Variants in MYBBP1A observed in about 807,000 individuals in gnomAD.
MYBBP1A encodes the protein MYB binding protein 1a.
MYBBP1A carries 147 observed loss-of-function variants against 136.3 expected under a neutral mutation model. That is an observed-to-expected ratio of 1.08 (90% CI 0.94 to 1.24). MYBBP1A has a LOEUF of 1.24. MYBBP1A is among the 50% of genes most tolerant of loss of function. MYBBP1A has a pLI of 0.00. For synonymous variants in MYBBP1A, 947 were observed against 735.8 expected, an observed-to-expected ratio of 1.29 and a Z score of -4.65; for missense variants, 2,060 against 1,727.4, an observed-to-expected ratio of 1.19 and a Z score of -3.41.
At position 4,552,609 on chromosome 17, in the gene MYBBP1A, C is replaced by T. The variant is rs755869702; in HGVS notation, c.579G>A (p.Leu193=). ...DILSEVSKAT[L]QEILPEVLKA... ...TGAGGACCTCCGGCAGGATCTCCTG[C>T]AATGTGGCCTTCGAGACCTAAGGAT... Residue 193 remains leucine, a synonymous_variant, in exon 6 of 26, where the codon TTG becomes TTA. Transcript: ENST00000254718. The surrounding 1 kb of genome is among the most constrained non-coding windows in gnomAD (Gnocchi z 4.7). The T allele has an allele frequency of 6.2e-7, 1 of 1,613,486 alleles. No individual in the cohort carries two copies. The highest frequency in any genetic ancestry group is 8.5e-7 in the Non-Finnish European group (1 of 1,179,776).
Position 4,554,077 on chromosome 17 carries a change from G to T in MYBBP1A, c.395C>A (p.Ala132Asp). The change falls in exon 4 of 26, where the codon GCT becomes GAT. Residue 132 changes from alanine (A) to aspartate (D), a missense_variant. Transcript: ENST00000254718. ...HQVKKAMLRP[A>D]LFANLFGVLA... ...CACTCCAAACAGGTTTGCAAAGAGA[G>T]CAGGTCTCAGCATTGCCTAGAAAAG... 1 of 1,614,038 alleles carries T rather than the reference G, an allele frequency of 6.2e-7. No individual in the cohort carries two copies. The highest frequency in any genetic ancestry group is 8.5e-7 in the Non-Finnish European group (1 of 1,180,022).
intron 17 of MYBBP1A, 27 bp downstream of exon 17, chr17:4,544,999 G>T: frequency 2.0e-6 from 1 of 498,356 alleles, no homozygotes; most frequent in Non-Finnish European, 2.6e-6. Context: ...CTCCCCGGCC[G>T]CCCCCCCCTC....
intron 13 of MYBBP1A, among the ~76,000 whole-genome samples, chr17:4,546,258 G>A (rs955115677): frequency 6.6e-6 from 1 of 152,162 alleles, no homozygotes; most frequent in African/African-American, 2.4e-5. Flanking sequence ...AGCTGGGATT[G>A]CAGGCGTGTA....
intron 19 of MYBBP1A, among the ~76,000 whole-genome samples, chr17:4,543,634 CG>C (rs1296030458): frequency 6.6e-6 from 1 of 152,138 alleles, no homozygotes; most frequent in African/African-American, 2.4e-5. Flanking sequence ...GTGGCCCGGG[CG>C]GGCCTGGGTT....
At chr17:4,544,098 G>A (rs369499850) in intron 19 of MYBBP1A, among the ~76,000 whole-genome samples, 27 of 152,114 alleles carry the variant, frequency 1.8e-4, no homozygotes, top group Non-Finnish European at 3.1e-4. Flanking sequence ...CTACACCTCC[G>A]AGGACTGGGT....
chr17:4,544,635 C>T lies in MYBBP1A; in HGVS notation c.2493G>A (p.Leu831=), dbSNP rs1387405781. 26 of 1,583,398 alleles carry T rather than the reference C, an allele frequency of 1.6e-5. No individual in the cohort carries two copies. The highest frequency in any genetic ancestry group is 2.2e-5 in the Non-Finnish European group (26 of 1,166,156). The part of the protein sequence containing the change: ...RRDFQIRVLD[L]VEVLVTKQPE... ...GCTGCTTGGTCACTAGCACCTCCAC[C>T]AGGTCCAGCACCTGCAGCCAGGAGG... The change falls in exon 19 of 26, where the codon CTG becomes CTA. Residue 831 remains leucine (L), a synonymous_variant. Transcript: ENST00000254718.
At chr17:4,542,848 A>G in intron 20 of MYBBP1A, 65 bp downstream of exon 20, 2 of 1,604,334 alleles carry the variant, frequency 1.2e-6, no homozygotes, top group Non-Finnish European at 8.5e-7. Context: ...GCCCTGGGGA[A>G]GTCCCGGCCT....
rs921208811 is a variant in MYBBP1A, at chr17:4,553,736, GA to G, written c.561+73del. Reference sequence around the variant, plus strand: ...ATTTCTATGGAACAGTGCTGTTCCAGATTCTCATCCGAGCCCCCTTGATGTC... The same window carrying G: ...ATTTCTATGGAACAGTGCTGTTCCAGTTCTCATCCGAGCCCCCTTGATGTC... On this transcript the variant is annotated intron_variant, in intron 5 of 25. Transcript: ENST00000254718. 5.3e-6 allele frequency: 6 copies of G among 1,132,074 alleles called. No individual in the cohort carries two copies. In the African/African-American group the frequency reaches 9.2e-5, roughly 17 times the overall value. 70.1% of individuals were successfully genotyped at this position (1,132,074 alleles called of 1,614,324 possible). A position where few individuals can be genotyped will look rare whatever the true frequency, so the allele number is the denominator to read the frequency against.
At chr17:4,541,980 G>A (rs964060380) in intron 22 of MYBBP1A, 89 bp from the exon 23 acceptor site, 3 of 967,680 alleles carry the variant, frequency 3.1e-6, no homozygotes, top group African/African-American at 3.2e-5. Flanking sequence ...GGCCCGCTGG[G>A]CACTGCTGTG....
Position 4,550,069 on chromosome 17 carries a change from T to A in MYBBP1A, c.1308A>T (p.Ser436=). 3 of 1,611,610 alleles carry A rather than the reference T, an allele frequency of 1.9e-6. No individual in the cohort carries two copies. The highest frequency in any genetic ancestry group is 2.5e-6 in the Non-Finnish European group (3 of 1,178,226). ...STNNQKKAQD[S]SLHMPERAVF... ...CAAGGTCCACTCACATGTGGAGCGATGAATCCTGGGCTTTCTTCTGGTTGT... is the reference window on the plus strand; with the variant it reads ...CAAGGTCCACTCACATGTGGAGCGAAGAATCCTGGGCTTTCTTCTGGTTGT... Residue 436 remains serine (S), a synonymous_variant, in exon 9 of 26, where the codon TCA becomes TCT. Coordinates refer to ENST00000254718, the MANE Select transcript of MYBBP1A (RefSeq NM_014520.4).
Position 4,541,445 on chromosome 17 carries a change from A to T in MYBBP1A, c.3297+18T>A. The T allele has an allele frequency of 6.2e-7, 1 of 1,607,948 alleles. No homozygotes were observed. Among genetic ancestry groups the T allele is most frequent in the Non-Finnish European group, 8.5e-7 (1 of 1,177,238 alleles). The stretch of plus-strand genomic sequence containing the variant: ...AAGAGGAACCCGAACACGACCGCGG[A>T]CTGGGCCCCCGCCTCACCTCATGTT... On this transcript the variant is annotated intron_variant, in intron 24 of 25. Coordinates refer to ENST00000254718, the MANE Select transcript of MYBBP1A (RefSeq NM_014520.4).
Position 4,549,962 on chromosome 17 carries a change from G to A in MYBBP1A, c.1319+96C>T, listed in dbSNP as rs889993111. 2.8e-5 allele frequency: 39 copies of A among 1,372,316 alleles called. No individual in the cohort carries two copies. The East Asian group carries it at 8.5e-4, about 30-fold the overall frequency. 85.0% of individuals were successfully genotyped at this position (1,372,316 alleles called of 1,614,324 possible). On this transcript the variant is annotated intron_variant, in intron 9 of 25. Coordinates refer to ENST00000254718, the MANE Select transcript of MYBBP1A (RefSeq NM_014520.4). ...CCCCTCGCTCCTCTCATGGTTTAGA[G>A]CCAGGACGCTGTGGAGGGCGGGCTT...
intron 15 of MYBBP1A, 118 bp downstream of exon 15, chr17:4,545,492 C>T: frequency 1.3e-6 from 2 of 1,488,372 alleles, no homozygotes; most frequent in South Asian, 2.6e-5. Context: ...TCGTTGAGAC[C>T]CCTCCCACCG....
intron 25 of MYBBP1A, 146 bp from the exon 26 acceptor site, chr17:4,540,113 TGAGGGTCCTGCGAGGCCCCTGGGTCCTGC>T (rs1462979405): frequency 1.7e-6 from 2 of 1,186,206 alleles, no homozygotes; most frequent in Admixed American, 2.5e-5. Flanking sequence ...GAGGGTCCTA[TGAGGGTCCTGCGAGGCCCCTGGGTCCTGC>T]GAGGGTCCTG....
Position 4,539,482 on chromosome 17 carries a change from C to T in MYBBP1A, c.3920G>A (p.Arg1307Lys). 1.2e-6 allele frequency: 2 copies of T among 1,614,184 alleles called. No individual in the cohort carries two copies. The highest frequency in any genetic ancestry group is 1.3e-5 in the African/African-American group (1 of 75,042). Residue 1307 changes from arginine (R) to lysine (K), a missense_variant, in exon 26 of 26, where the codon AGG becomes AAG. By Grantham distance (26) the Arg-to-Lys change is conservative. Coordinates refer to ENST00000254718, the MANE Select transcript of MYBBP1A (RefSeq NM_014520.4). ...CCCACTCTGAAGCAGGCTGGGACTC[C>T]TGATGACCAAAGACAGCCTTGCCTT... ...RKKARLSLVI[R>K]SPSLLQSGAK...
In MYBBP1A at chr17:4,545,071, G is replaced by A; in HGVS notation, c.2265C>T (p.Gly755=). The change falls in exon 17 of 26, where the codon GGC becomes GGT. Residue 755 remains glycine, a synonymous_variant. Transcript: ENST00000254718. ...EEERDGDVDQ[G]FREQLMTVLQ... ...GCACGGTCATCAGCTGTTCCCGGAA[G>A]CCCTGATCCACGTCCCCGTCGCGCT... 2 of 1,561,488 alleles carry A rather than the reference G, an allele frequency of 1.3e-6. No individual in the cohort carries two copies. Among genetic ancestry groups the A allele is most frequent in the Non-Finnish European group, 1.7e-6 (2 of 1,155,996 alleles).
chr17:4,547,845 C>T, intron 13 of MYBBP1A, 113 bp downstream of exon 13: 3 of 930,388 alleles, frequency 3.2e-6, no homozygotes, highest in Non-Finnish European at 4.5e-6. Flanking sequence ...CCCAACTTAA[C>T]TCCCCCAGAA....
At chr17:4,553,629 CACTAAATGTT>C (rs1237481120) in intron 5 of MYBBP1A, among the ~76,000 whole-genome samples, 171 bp downstream of exon 5, 2 of 152,222 alleles carry the variant, frequency 1.3e-5, no homozygotes, top group African/African-American at 4.8e-5. Context: ...AGTCAAATGT[CACTAAATGTT>C]ACTAAATGAC....
rs561891544 is a variant in MYBBP1A, at chr17:4,540,283, T to C, written c.3434+65A>G. 2.7e-5 allele frequency: 42 copies of C among 1,530,658 alleles called. No individual in the cohort carries two copies. The African/African-American group carries it at 3.4e-4, about 12-fold the overall frequency. The allele number at this position is 1,530,658 out of a possible 1,614,324, so 94.8% of individuals were successfully genotyped here. A position where few individuals can be genotyped will look rare whatever the true frequency, so the allele number is the denominator to read the frequency against. Reference sequence around the variant, plus strand: ...GCAGCGTGTGTGCAGCGTGTGTGTGTGTGCAGCAGCGTGAGGGTGTTCCCA... The same window carrying C: ...GCAGCGTGTGTGCAGCGTGTGTGTGCGTGCAGCAGCGTGAGGGTGTTCCCA... On this transcript the variant is annotated intron_variant, in intron 25 of 25. Coordinates refer to ENST00000254718, the MANE Select transcript of MYBBP1A (RefSeq NM_014520.4).
Sources: allele counts gnomAD v4.1 joint callset (sites outside exome capture counted in the v4.1 genomes callset), GRCh38; gene constraint gnomAD v4.1.1; non-coding constraint Gnocchi (gnomAD v3.1); transcripts MANE v1.5; gene names NCBI Gene and HGNC (gene_info 2026-07-23, HGNC 2026-07-21).